Variants in NSA2 observed in about 807,000 individuals in gnomAD.
The protein encoded by NSA2 is NSA2 ribosome biogenesis factor.
Under a neutral mutation model 34.8 loss-of-function variants are expected in NSA2, and 18 were observed. The ratio of observed to expected loss-of-function variants is 0.52; its 90% CI spans 0.36 to 0.77. NSA2 has a LOEUF of 0.77. Among genes scored for constraint, NSA2 ranks in the 30% least tolerant of loss-of-function variants. The probability of loss-of-function intolerance (pLI) is 0.00; values close to 1 mark genes in which losing one functional copy is unlikely to be tolerated. For missense variants in NSA2, 188 were observed against 314.7 expected, an observed-to-expected ratio of 0.60 and a Z score of 3.05; for synonymous variants, 79 against 100.2, an observed-to-expected ratio of 0.79 and a Z score of 1.26.
intron 4 of NSA2, among the ~76,000 whole-genome samples, chr5:74,772,543 G>C (rs142013637): frequency 8.5e-5 from 13 of 152,232 alleles, no homozygotes; most frequent in Non-Finnish European, 1.6e-4. Context: ...CTAGAATTGA[G>C]CAGTTGCAAC....
chr5:74,772,881 A>G (rs955459461), intron 4 of NSA2, among the ~76,000 whole-genome samples: 1 of 152,230 alleles, frequency 6.6e-6, no homozygotes, highest in African/African-American at 2.4e-5. Flanking sequence ...ACAAAAATGA[A>G]GACTGCAAAA....
chr5:74,778,438 T>C lies in NSA2; in HGVS notation c.*1767T>C, dbSNP rs903164964. On this transcript the variant is annotated 3_prime_UTR_variant, in exon 6 of 6. Coordinates refer to ENST00000610426, the MANE Select transcript of NSA2 (RefSeq NM_014886.6). ...AATCATAAACCTTCAAGATTTCTAG[T>C]CACTGAAACCCCATTGTAGGTAGTG... 6.6e-6 allele frequency: 1 copy of C among 152,034 alleles called. No individual in the cohort carries two copies. The highest frequency in any genetic ancestry group is 1.5e-5 in the Non-Finnish European group (1 of 67,894). The allele number at this position is 152,034 out of a possible 1,614,324, so 9.4% of individuals were successfully genotyped here. A position where few individuals can be genotyped will look rare whatever the true frequency, so the allele number is the denominator to read the frequency against.
intron 4 of NSA2, among the ~76,000 whole-genome samples, chr5:74,772,755 G>C (rs540163840): frequency 6.6e-6 from 1 of 152,198 alleles, no homozygotes; most frequent in Non-Finnish European, 1.5e-5. Flanking sequence ...TAGTTTCACA[G>C]ATTTGTCATT....
chr5:74,773,005 CAT>C (rs925541777), intron 4 of NSA2, among the ~76,000 whole-genome samples: 1 of 152,130 alleles, frequency 6.6e-6, no homozygotes, highest in African/African-American at 2.4e-5. Flanking sequence ...CTCATATTGC[CAT>C]CAACCTAAAG....
chr5:74,776,253 A>G (rs1463170921), intron 5 of NSA2, among the ~76,000 whole-genome samples: 1 of 152,182 alleles, frequency 6.6e-6, no homozygotes, highest in Non-Finnish European at 1.5e-5. Context: ...TAATCACAGC[A>G]CTTTGGGAGG....
chr5:74,774,139 A>T, intron 5 of NSA2, 79 bp downstream of exon 5: 1 of 977,260 alleles, frequency 1.0e-6, no homozygotes, highest in Non-Finnish European at 1.5e-6. Flanking sequence ...GTATTAATAA[A>T]ATATACAGCA....
In NSA2 at chr5:74,769,232, G is replaced by A; in HGVS notation, c.210G>A (p.Lys70=). Residue 70 remains lysine (K), a synonymous_variant, in exon 3 of 6, where the codon AAG becomes AAA. Transcript: ENST00000610426. ...QMKKTIKMHE[K]RNTKQKNDEK... is the part of the protein sequence containing the mutation. ...TTGGTAGTATCAAGATGCATGAAAAGAGAAACACCAAACAAAAGAATGATG... is the reference window on the plus strand; with the variant it reads ...TTGGTAGTATCAAGATGCATGAAAAAAGAAACACCAAACAAAAGAATGATG... The A allele has an allele frequency of 4.4e-6, 7 of 1,608,008 alleles. No individual in the cohort carries two copies. Among genetic ancestry groups the A allele is most frequent in the Non-Finnish European group, 5.9e-6 (7 of 1,178,604 alleles).
In NSA2 at chr5:74,776,928, G is replaced by A. The variant is rs1304620554; in HGVS notation, c.*257G>A. ...ACTTCATCAATATCTGCATTTGTGAGTGGGTATTCAGCAATTTCCTGAAAA... is the reference window on the plus strand; with the variant it reads ...ACTTCATCAATATCTGCATTTGTGAATGGGTATTCAGCAATTTCCTGAAAA... On this transcript the variant is annotated 3_prime_UTR_variant, in exon 6 of 6. Transcript: ENST00000610426. 5 of 271,962 alleles carry A rather than the reference G, an allele frequency of 1.8e-5. 1 individual carries two copies. In the Admixed American group the frequency reaches 2.1e-4, roughly 11 times the overall value. The allele number at this position is 271,962 out of a possible 1,614,324, so 16.8% of individuals were successfully genotyped here.
rs1336359393 is a variant in NSA2 at position 74,779,822 on chromosome 5, C to G, written c.*3151C>G. Reference sequence around the variant, plus strand: ...TAAGATTTTAACTTGATCGAAAATACCAACATCCCCAAACAAAATTTACTG... The same window carrying G: ...TAAGATTTTAACTTGATCGAAAATAGCAACATCCCCAAACAAAATTTACTG... On this transcript the variant is annotated 3_prime_UTR_variant, in exon 6 of 6. Transcript: ENST00000610426. The G allele has an allele frequency of 6.6e-6, 1 of 152,112 alleles. No individual in the cohort carries two copies. The highest frequency in any genetic ancestry group is 1.5e-5 in the Non-Finnish European group (1 of 68,020). The allele number at this position is 152,112 out of a possible 1,614,324, so 9.4% of individuals were successfully genotyped here. A position where few individuals can be genotyped will look rare whatever the true frequency, so the allele number is the denominator to read the frequency against.
chr5:74,767,496 ACC>A, intron 1 of NSA2, 133 bp downstream of exon 1: 1 of 1,087,424 alleles, frequency 9.2e-7, no homozygotes, highest in Non-Finnish European at 1.4e-6. Context: ...AGGATGGTAG[ACC>A]CGTGGGGTGG....
rs1241478849 is a variant in NSA2, at chr5:74,778,390, T to C, written c.*1719T>C. 1 of 152,022 alleles carries C rather than the reference T, an allele frequency of 6.6e-6. No individual in the cohort carries two copies. Among genetic ancestry groups the C allele is most frequent in the Admixed American group, 6.5e-5 (1 of 15,268 alleles). 9.4% of individuals were successfully genotyped at this position (152,022 alleles called of 1,614,324 possible). A position where few individuals can be genotyped will look rare whatever the true frequency, so the allele number is the denominator to read the frequency against. ...GAACATAAGAGCAGATATTTAGATATTAGTACAGGCTCAATTTGATGCAAT... is the reference window on the plus strand; with the variant it reads ...GAACATAAGAGCAGATATTTAGATACTAGTACAGGCTCAATTTGATGCAAT... On this transcript the variant is annotated 3_prime_UTR_variant, in exon 6 of 6. Transcript: ENST00000610426.
At chr5:74,773,470 CAA>C (rs768356175) in intron 4 of NSA2, among the ~76,000 whole-genome samples, 125 of 98,992 alleles carry the variant, frequency 1.3e-3, no homozygotes, top group African/African-American at 3.3e-3. Flanking sequence ...CCATCTCTAC[CAA>C]AAAAAAAAAA....
At chr5:74,775,261 C>T (rs1297202594) in intron 5 of NSA2, among the ~76,000 whole-genome samples, 1 of 151,922 alleles carries the variant, frequency 6.6e-6, no homozygotes, top group Non-Finnish European at 1.5e-5. Flanking sequence ...CAGTTTAGTT[C>T]GTTCTGTTAA....
At chr5:74,767,591 T>C (rs887606899) in intron 1 of NSA2, among the ~76,000 whole-genome samples, 11 of 152,230 alleles carry the variant, frequency 7.2e-5, no homozygotes, top group African/African-American at 2.7e-4. Flanking sequence ...GATTTTACTC[T>C]GTCCTGTTTT....
At chr5:74,770,582 C>G in intron 3 of NSA2, 49 bp from the exon 4 acceptor site, 1 of 1,357,844 alleles carries the variant, frequency 7.4e-7, no homozygotes, top group Non-Finnish European at 1.0e-6. Flanking sequence ...GACTTATTCT[C>G]ATTGTCCTTT....
Position 74,777,243 on chromosome 5 carries a change from A to G in NSA2, c.*572A>G, listed in dbSNP as rs1453684661. 6.6e-6 allele frequency: 1 copy of G among 152,222 alleles called. No homozygotes were observed. 9.4% of individuals were successfully genotyped at this position (152,222 alleles called of 1,614,324 possible). A position where few individuals can be genotyped will look rare whatever the true frequency, so the allele number is the denominator to read the frequency against. ...TTTTTCATCTCATTTACCATGTATAATAATACCTACTTGGCACTATTTTCT... is the reference window on the plus strand; with the variant it reads ...TTTTTCATCTCATTTACCATGTATAGTAATACCTACTTGGCACTATTTTCT... On this transcript the variant is annotated 3_prime_UTR_variant, in exon 6 of 6. Transcript: ENST00000610426.
chr5:74,772,124 ATTTTT>A (rs1188382017), intron 4 of NSA2, among the ~76,000 whole-genome samples: 1 of 137,022 alleles, frequency 7.3e-6, no homozygotes. Context: ...AACCTGAGTA[ATTTTT>A]TTTTTTTTTT....
chr5:74,769,095 T>C lies in NSA2; in HGVS notation c.168T>C (p.Ala56=). ...KAKLYHKQRH[A]EKIQMKKTIK... ...AGCTTTACCATAAACAGCGTCATGC[T>C]GAGAAAATACAAATGAAAAAGACGT... Residue 56 remains alanine, a synonymous_variant, in exon 2 of 6, where the codon GCT becomes GCC. Transcript: ENST00000610426. 1 of 1,605,436 alleles carries C rather than the reference T, an allele frequency of 6.2e-7. No homozygotes were observed. Among genetic ancestry groups the C allele is most frequent in the African/African-American group, 1.3e-5 (1 of 74,240 alleles).
rs1745209621 is a variant in NSA2, at chr5:74,778,044, C to T, written c.*1373C>T. On this transcript the variant is annotated 3_prime_UTR_variant, in exon 6 of 6. Transcript: ENST00000610426. ...TAATATAAATGGGTGATGTGTGGAT[C>T]ACAAGTTCTAGAAGGCGAATAAAAA... The T allele has an allele frequency of 6.6e-6, 1 of 151,896 alleles. No individual in the cohort carries two copies. Among genetic ancestry groups the T allele is most frequent in the East Asian group, 1.9e-4 (1 of 5,188 alleles). The allele number at this position is 151,896 out of a possible 1,614,324, so 9.4% of individuals were successfully genotyped here.
Sources: gnomAD v4.1 joint callset for allele counts (sites outside exome capture counted in the v4.1 genomes callset) on GRCh38, gnomAD v4.1.1 for gene constraint, MANE v1.5 for transcripts, NCBI Gene and HGNC (gene_info 2026-07-23, HGNC 2026-07-21) for gene names.